CDH18: variants seen among roughly 807,000 people sequenced by gnomAD.
CDH18 encodes the protein cadherin-18.
A neutral mutation model predicts 67.9 loss-of-function variants in CDH18; 31 were observed. That is an observed-to-expected ratio of 0.46 (90% confidence interval 0.34 to 0.62). The LOEUF is 0.62. Among genes scored for constraint, CDH18 ranks in the 20% least tolerant of loss-of-function variants. The pLI, the probability that CDH18 is intolerant of heterozygous loss-of-function variation, is 0.01. For missense variants in CDH18, 890 were observed against 975.5 expected, an observed-to-expected ratio of 0.91 and a Z score of 1.17; for synonymous variants, 362 against 347.2, an observed-to-expected ratio of 1.04 and a Z score of -0.48.
At chr5:20,244,753 T>C (rs947079132) in intron 2 of CDH18, among the ~76,000 whole-genome samples, 1 of 152,132 alleles carries the variant, frequency 6.6e-6, no homozygotes, top group Non-Finnish European at 1.5e-5. Flanking sequence ...TATTTTGTTA[T>C]CAAATACATG....
chr5:19,700,687 T>C (rs548356616), intron 5 of CDH18, among the ~76,000 whole-genome samples: 24 of 152,154 alleles, frequency 1.6e-4, no homozygotes, highest in Non-Finnish European at 2.8e-4. Context: ...GGTATGCTGA[T>C]AGCAAATCCA....
At chr5:19,669,872 A>T (rs1021457932) in intron 5 of CDH18, among the ~76,000 whole-genome samples, 1 of 152,152 alleles carries the variant, frequency 6.6e-6, no homozygotes, top group Non-Finnish European at 1.5e-5. Flanking sequence ...AGAAACAAAG[A>T]AAACAACAAA....
At chr5:20,130,398 T>C (rs1580311253) in intron 2 of CDH18, among the ~76,000 whole-genome samples, 1 of 50,632 alleles carries the variant, frequency 2.0e-5, no homozygotes, top group African/African-American at 4.1e-5. Flanking sequence ...TCTCTCTTCC[T>C]TAGTTTTTTT....
intron 2 of CDH18, among the ~76,000 whole-genome samples, chr5:20,211,299 A>G (rs1357871677): frequency 6.6e-6 from 1 of 152,002 alleles, no homozygotes; most frequent in African/African-American, 2.4e-5. Context: ...GCCTCTGTAG[A>G]CTCCACCTCT....
chr5:19,942,844 C>T lies in CDH18; in HGVS notation c.-257+38216G>A, dbSNP rs1369966111. Among the ~76,000 whole-genome samples the T allele has an allele frequency of 2.0e-5, 3 of 152,154 alleles. 1 individual carries two copies. The highest frequency in any genetic ancestry group is 2.0e-4 in the Admixed American group (3 of 15,260). ...CAAGAAATGCCCCGACTCTCAGCAG[C>T]AGTCGAGGAAGCAGCTGGTCTGGAT... On this transcript the variant is annotated intron_variant, in intron 2 of 12. Coordinates refer to ENST00000382275, the MANE Select transcript of CDH18 (RefSeq NM_004934.5).
chr5:19,972,126 C>T (rs1798084502), intron 2 of CDH18, among the ~76,000 whole-genome samples: 2 of 151,666 alleles, frequency 1.3e-5, no homozygotes, highest in African/African-American at 4.9e-5. Flanking sequence ...GCATTTCAAA[C>T]CTGATTCATG....
chr5:20,501,547 T>TATATATATA (rs200741280), intron 1 of CDH18, among the ~76,000 whole-genome samples: 3 of 55,240 alleles, frequency 5.4e-5, no homozygotes, highest in African/African-American at 8.7e-5. Flanking sequence ...ATATACATAT[T>TATATATATA]ATATATATAA....
intron 2 of CDH18, among the ~76,000 whole-genome samples, chr5:20,209,695 C>T (rs974233741): frequency 6.6e-6 from 1 of 151,760 alleles, no homozygotes; most frequent in South Asian, 2.1e-4. Flanking sequence ...ATTAAGATGA[C>T]AATCACTGAA....
chr5:20,210,524 T>C (rs1740274133), intron 2 of CDH18, among the ~76,000 whole-genome samples: 1 of 152,046 alleles, frequency 6.6e-6, no homozygotes, highest in Non-Finnish European at 1.5e-5. Flanking sequence ...AATCTTAATC[T>C]GAACAGTTTA....
chr5:20,390,114 C>A (rs2150113638), intron 1 of CDH18, among the ~76,000 whole-genome samples: 1 of 152,246 alleles, frequency 6.6e-6, no homozygotes, highest in Non-Finnish European at 1.5e-5. Flanking sequence ...AAAGCAATGG[C>A]AACAAAAGCC....
At chr5:19,620,410 C>T (rs1257610799) in intron 5 of CDH18, among the ~76,000 whole-genome samples, 1 of 152,084 alleles carries the variant, frequency 6.6e-6, no homozygotes, top group South Asian at 2.1e-4. Context: ...AAATCATACC[C>T]GGGATTTCCT....
At chr5:20,516,291 A>T (rs1382568486) in intron 1 of CDH18, among the ~76,000 whole-genome samples, 1 of 151,960 alleles carries the variant, frequency 6.6e-6, no homozygotes, top group African/African-American at 2.4e-5. Flanking sequence ...CTAAGCGCAT[A>T]GGAGAACAAG....
chr5:19,736,984 C>T (rs1201670182), intron 4 of CDH18, among the ~76,000 whole-genome samples: 2 of 152,266 alleles, frequency 1.3e-5, no homozygotes, highest in East Asian at 1.9e-4. Flanking sequence ...GCAATTATGA[C>T]AGAGAGAATG....
upstream of CDH18, among the ~76,000 whole-genome samples, chr5:19,991,416 CTAAT>C (rs1276844200): frequency 6.6e-6 from 1 of 152,010 alleles, no homozygotes; most frequent in African/African-American, 2.4e-5. Context: ...CATCTTATAA[CTAAT>C]TAACATATCT....
chr5:19,490,945 G>C (rs971520315), intron 11 of CDH18, among the ~76,000 whole-genome samples: 1 of 151,936 alleles, frequency 6.6e-6, no homozygotes, highest in African/African-American at 2.4e-5. Context: ...ACCAGAGAGA[G>C]AACAAAAGCA....
chr5:19,530,286 A>T (rs1222407928), intron 9 of CDH18, among the ~76,000 whole-genome samples: 2 of 152,134 alleles, frequency 1.3e-5, no homozygotes, highest in African/African-American at 4.8e-5. Context: ...CCCAAAGGAA[A>T]CCATAGATAT....
chr5:19,603,382 C>G (rs973381933), intron 6 of CDH18, among the ~76,000 whole-genome samples: 4 of 152,008 alleles, frequency 2.6e-5, no homozygotes, highest in Non-Finnish European at 4.4e-5. Flanking sequence ...ACCCATTAAA[C>G]AATGGGTACA....
chr5:19,492,195 C>A (rs1741586957), intron 11 of CDH18, among the ~76,000 whole-genome samples: 1 of 152,058 alleles, frequency 6.6e-6, no homozygotes, highest in South Asian at 2.1e-4. Flanking sequence ...GTAAGATTTA[C>A]AAATGTACCT....
intron 2 of CDH18, among the ~76,000 whole-genome samples, chr5:20,055,904 C>T (rs979678389): frequency 6.7e-6 from 1 of 148,600 alleles, no homozygotes. Flanking sequence ...CTACTGCTGT[C>T]TGTGGAGAAA....
Sources: gnomAD v4.1 joint callset for allele counts (sites outside exome capture counted in the v4.1 genomes callset) on GRCh38, gnomAD v4.1.1 for gene constraint, MANE v1.5 for transcripts, NCBI Gene and HGNC (gene_info 2026-07-23, HGNC 2026-07-21) for gene names.